GRAMD1B: variants seen among roughly 807,000 people sequenced by gnomAD.
The protein encoded by GRAMD1B is protein Aster-B.
A neutral mutation model predicts 99.7 loss-of-function variants in GRAMD1B; 37 were observed. The ratio of observed to expected loss-of-function variants is 0.37; its 90% CI spans 0.29 to 0.49. GRAMD1B has a LOEUF of 0.49. GRAMD1B is among the 20% of genes least tolerant of loss of function. GRAMD1B has a pLI of 0.98. For missense variants in GRAMD1B, 888 were observed against 1,009.2 expected (o/e 0.88, Z 1.63); for synonymous variants, 427 against 387.6 (o/e 1.10, Z -1.19).
chr11:123,463,639 CAG>C (rs1321223470), intron 1 of GRAMD1B, among the ~76,000 whole-genome samples: 1 of 152,084 alleles, frequency 6.6e-6, no homozygotes, highest in Non-Finnish European at 1.5e-5. Context: ...TCAAAGGAGA[CAG>C]AGCTCTGGGT....
intron 2 of GRAMD1B, among the ~76,000 whole-genome samples, chr11:123,558,380 C>A (rs951365958): frequency 6.6e-6 from 1 of 152,114 alleles, no homozygotes; most frequent in Non-Finnish European, 1.5e-5. Context: ...GGATGTAAAA[C>A]CAACAGAGGA....
rs573235134 is a variant in GRAMD1B at position 123,492,963 on chromosome 11, G to A, written c.452+12070G>A. ...AAGGGTTTCTCATGGCTAAAGTTTT[G>A]GGGCTGGTGAGCAAAGACTGTGTCC... On this transcript the variant is annotated intron_variant, in intron 2 of 19. Coordinates refer to ENST00000635736, the MANE Select transcript of GRAMD1B (RefSeq NM_001387025.1). The surrounding 1 kb of genome is among the most constrained non-coding windows in gnomAD (Gnocchi z 4.2). 5.9e-5 allele frequency among the ~76,000 whole-genome samples: 9 copies of A among 152,058 alleles called. No individual in the cohort carries two copies. The South Asian group carries it at 1.5e-3, about 25-fold the overall frequency.
At chr11:123,437,714 C>T (rs897034202) in intron 1 of GRAMD1B, among the ~76,000 whole-genome samples, 11 of 152,190 alleles carry the variant, frequency 7.2e-5, no homozygotes, top group African/African-American at 1.7e-4. Flanking sequence ...TAGGCTAGGT[C>T]ATCTCTCTGG....
chr11:123,617,571 G>A (rs1254552632), intron 17 of GRAMD1B, among the ~76,000 whole-genome samples: 2 of 152,108 alleles, frequency 1.3e-5, no homozygotes, highest in Admixed American at 1.3e-4. Context: ...CCTTTGTGTA[G>A]GGCCTGTGGT....
At chr11:123,402,574 T>C (rs1947705590) in intron 1 of GRAMD1B, among the ~76,000 whole-genome samples, 1 of 152,218 alleles carries the variant, frequency 6.6e-6, no homozygotes, top group Non-Finnish European at 1.5e-5. Context: ...ACTGGTTAGC[T>C]GAATTTCCCA....
chr11:123,614,384 A>G (rs1170269415), intron 16 of GRAMD1B, among the ~76,000 whole-genome samples: 1 of 152,138 alleles, frequency 6.6e-6, no homozygotes, highest in Admixed American at 6.5e-5. Flanking sequence ...CTTGTCCTCC[A>G]TCATGTAGCT....
intron 3 of GRAMD1B, among the ~76,000 whole-genome samples, chr11:123,582,638 G>A (rs1314482052): frequency 1.3e-5 from 2 of 152,188 alleles, no homozygotes; most frequent in African/African-American, 4.8e-5. Flanking sequence ...AGGCCCCTCA[G>A]CCCCCTCCAG....
intron 1 of GRAMD1B, among the ~76,000 whole-genome samples, chr11:123,440,935 G>A (rs1390157104): frequency 6.6e-6 from 1 of 152,160 alleles, no homozygotes; most frequent in Non-Finnish European, 1.5e-5. Context: ...TAAGTCTCAT[G>A]AAATCTGATA....
intron 2 of GRAMD1B, among the ~76,000 whole-genome samples, chr11:123,497,041 A>G (rs1445163549): frequency 1.3e-5 from 2 of 152,096 alleles, no homozygotes; most frequent in Non-Finnish European, 2.9e-5. Flanking sequence ...CTGTGCATTG[A>G]AGAGTTAGGC....
At chr11:123,431,690 C>G (rs936353623) in intron 1 of GRAMD1B, among the ~76,000 whole-genome samples, 1 of 152,216 alleles carries the variant, frequency 6.6e-6, no homozygotes, top group Admixed American at 6.5e-5. Flanking sequence ...TTAACTGGCT[C>G]ACTTGTGTGG....
chr11:123,605,509 C>T, intron 10 of GRAMD1B, 31 bp downstream of exon 10: 4 of 1,576,196 alleles, frequency 2.5e-6, no homozygotes, highest in Non-Finnish European at 3.5e-6. Flanking sequence ...ACTTCTACCC[C>T]CAGTCCTGTG....
In GRAMD1B at chr11:123,606,816, G is replaced by C; in HGVS notation, c.1513+18G>C. The stretch of plus-strand genomic sequence containing the variant: ...CGATGAAGGTGGGCATTTGAAAATG[G>C]GTCTGGAGTGGCCCTTGCTCTGTTT... On this transcript the variant is annotated intron_variant, in intron 11 of 19. Transcript: ENST00000635736. 6.2e-7 allele frequency: 1 copy of C among 1,601,384 alleles called. No homozygotes were observed. The highest frequency in any genetic ancestry group is 8.5e-7 in the Non-Finnish European group (1 of 1,169,804).
chr11:123,509,449 T>C (rs966840980), intron 2 of GRAMD1B, among the ~76,000 whole-genome samples: 2 of 152,216 alleles, frequency 1.3e-5, no homozygotes, highest in South Asian at 4.1e-4. Context: ...TTCTTTCTGA[T>C]TGGGAGAAAT....
intron 4 of GRAMD1B, among the ~76,000 whole-genome samples, chr11:123,589,759 G>T (rs1950462104): frequency 6.6e-6 from 1 of 151,976 alleles, no homozygotes; most frequent in Non-Finnish European, 1.5e-5. Context: ...ACTGTGCCCA[G>T]CCTGGAATCT....
In GRAMD1B at chr11:123,476,214, C is replaced by T. The variant is rs138382677; in HGVS notation, c.375-4602C>T. Among the ~76,000 whole-genome samples the T allele has an allele frequency of 4.8e-3, 726 of 152,156 alleles. 6 individuals carry two copies. Among genetic ancestry groups the T allele is most frequent in the African/African-American group, 0.015 (637 of 41,500 alleles). On this transcript the variant is annotated intron_variant, in intron 1 of 19. Coordinates refer to ENST00000635736, the MANE Select transcript of GRAMD1B (RefSeq NM_001387025.1). Reference sequence around the variant, plus strand: ...CTCCCAGGTTCAAGTGATTCTCCTGCCTCAACTTCCCGAGTAGCTGGGATT... The same window carrying T: ...CTCCCAGGTTCAAGTGATTCTCCTGTCTCAACTTCCCGAGTAGCTGGGATT...
chr11:123,556,269 A>G lies in GRAMD1B; in HGVS notation c.453-21098A>G, dbSNP rs376099567. Among the ~76,000 whole-genome samples, 68 of 152,308 alleles carry G rather than the reference A, an allele frequency of 4.5e-4. No homozygotes were observed. In the South Asian group the frequency reaches 0.013, roughly 30 times the overall value. On this transcript the variant is annotated intron_variant, in intron 2 of 19. Coordinates refer to ENST00000635736, the MANE Select transcript of GRAMD1B (RefSeq NM_001387025.1). ...GATTCAACAAATTCAGATTTATGTAAACTGTTTGGAGTGCTACTCTGTAAA... is the reference window on the plus strand; with the variant it reads ...GATTCAACAAATTCAGATTTATGTAGACTGTTTGGAGTGCTACTCTGTAAA...
intron 17 of GRAMD1B, among the ~76,000 whole-genome samples, chr11:123,615,087 C>T (rs1954170617): frequency 6.6e-6 from 1 of 152,128 alleles, no homozygotes; most frequent in African/African-American, 2.4e-5. Flanking sequence ...GCATCCATAC[C>T]CTTCAGGGTT....
At chr11:123,451,242 C>G (rs530870739) in intron 1 of GRAMD1B, among the ~76,000 whole-genome samples, 3 of 152,208 alleles carry the variant, frequency 2.0e-5, no homozygotes, top group Non-Finnish European at 2.9e-5. Context: ...TGCTGTAGCA[C>G]TGGCACACAC....
chr11:123,565,521 G>A (rs552046620), intron 2 of GRAMD1B, among the ~76,000 whole-genome samples: 8 of 152,324 alleles, frequency 5.3e-5, no homozygotes, highest in Admixed American at 3.3e-4. Context: ...GCAAGGTTAG[G>A]TTAATTTCTA....
Sources: gnomAD v4.1 joint callset for allele counts (sites outside exome capture counted in the v4.1 genomes callset) on GRCh38, gnomAD v4.1.1 for gene constraint, Gnocchi (gnomAD v3.1) non-coding constraint, MANE v1.5 for transcripts, NCBI Gene and HGNC (gene_info 2026-07-23, HGNC 2026-07-21) for gene names.